The following TSPAN11 variants were observed in gnomAD, a reference collection of about 807,000 sequenced individuals.
The protein encoded by TSPAN11 is tetraspanin 11, also known as tetraspanin-11.
A neutral mutation model predicts 32.9 loss-of-function variants in TSPAN11; 29 were observed. The observed-to-expected ratio is 0.88, with a 90% CI of 0.66 to 1.20. The LOEUF (loss-of-function observed/expected upper bound fraction) is 1.20, where lower values mean the gene tolerates loss of function less well. TSPAN11 is among the 50% of genes most tolerant of loss of function. The probability of loss-of-function intolerance (pLI) is 0.00; values close to 1 mark genes in which losing one functional copy is unlikely to be tolerated. For missense variants in TSPAN11, 283 were observed against 329.1 expected (o/e 0.86, Z 1.08); for synonymous variants, 140 against 141.3 (o/e 0.99, Z 0.07).
At chr12:30,980,505 G>A (rs1362232787) in intron 5 of TSPAN11, among the ~76,000 whole-genome samples, 1 of 152,072 alleles carries the variant, frequency 6.6e-6, no homozygotes, top group Non-Finnish European at 1.5e-5. Flanking sequence ...ATTCAAGGCA[G>A]TGCCACCTGC....
the TSPAN11 span, among the ~76,000 whole-genome samples, chr12:31,011,768 G>A: frequency 9.6e-3 from 1,458 of 152,302 alleles, 27 homozygotes; most frequent in African/African-American, 0.033. Flanking sequence ...AGCTTACAAA[G>A]GCCACAAACC....
At chr12:30,929,840 T>C (rs185806864) in intron 1 of TSPAN11, among the ~76,000 whole-genome samples, 270 of 152,332 alleles carry the variant, frequency 1.8e-3, no homozygotes, top group Non-Finnish European at 2.4e-3. Flanking sequence ...TGCTGCCTTT[T>C]CCTAGAAATA....
the TSPAN11 span, among the ~76,000 whole-genome samples, chr12:31,002,642 G>A: frequency 9.9e-5 from 15 of 152,114 alleles, no homozygotes; most frequent in African/African-American, 2.7e-4. This position sits in a 1 kb window ranked among gnomAD's most constrained non-coding sequence, Gnocchi z 4.8. Context: ...GAGGGTCTGC[G>A]GGACAAAGAA....
downstream of TSPAN11, among the ~76,000 whole-genome samples, chr12:30,998,611 A>G (rs1939447451): frequency 6.6e-6 from 1 of 152,212 alleles, no homozygotes; most frequent in Admixed American, 6.5e-5. Flanking sequence ...GGGCCTTTGC[A>G]TCAGGCCAGA....
chr12:30,944,003 C>T (rs1056265851), intron 1 of TSPAN11, among the ~76,000 whole-genome samples: 4 of 152,056 alleles, frequency 2.6e-5, no homozygotes, highest in Non-Finnish European at 4.4e-5. Flanking sequence ...TCTTGTTGGC[C>T]AAGAACTCAG....
chr12:30,944,274 A>G (rs1565790093), intron 1 of TSPAN11, among the ~76,000 whole-genome samples: 1 of 152,168 alleles, frequency 6.6e-6, no homozygotes, highest in Non-Finnish European at 1.5e-5. Context: ...AGTATTTTTC[A>G]GGAATACAAT....
downstream of TSPAN11, among the ~76,000 whole-genome samples, chr12:30,998,211 G>A (rs574579528): frequency 2.0e-5 from 3 of 152,314 alleles, no homozygotes; most frequent in Non-Finnish European, 2.9e-5. Context: ...TACAACTGCT[G>A]CCTACACAGC....
the TSPAN11 span, among the ~76,000 whole-genome samples, chr12:31,010,691 G>A: frequency 3.0e-4 from 46 of 152,294 alleles, no homozygotes; most frequent in Middle Eastern, 3.4e-3. Context: ...AGCTACATGA[G>A]AGGCTGAGGT....
chr12:30,938,450 G>C (rs1285271634), intron 1 of TSPAN11, among the ~76,000 whole-genome samples: 3 of 152,226 alleles, frequency 2.0e-5, no homozygotes, highest in Non-Finnish European at 4.4e-5. Flanking sequence ...CCCAGGCTGG[G>C]CAGGGAAGGA....
downstream of TSPAN11, among the ~76,000 whole-genome samples, chr12:31,000,396 A>G (rs1450918672): frequency 2.6e-5 from 4 of 152,054 alleles, no homozygotes; most frequent in Admixed American, 6.5e-5. Context: ...CCTGATTTTA[A>G]TTTTTTAGGG....
intron 2 of TSPAN11, among the ~76,000 whole-genome samples, chr12:30,959,736 C>T (rs1223735760): frequency 6.7e-6 from 1 of 148,496 alleles, no homozygotes; most frequent in Non-Finnish European, 1.5e-5. Context: ...GCCGAGATCA[C>T]GCCACTGTGC....
At chr12:31,008,393 T>C in the TSPAN11 span, among the ~76,000 whole-genome samples, 1 of 152,248 alleles carries the variant, frequency 6.6e-6, no homozygotes, top group Non-Finnish European at 1.5e-5. Flanking sequence ...CCCTCTTCCC[T>C]GTCCTTCCTC....
At chr12:30,991,418 T>C (rs997806115) in intron 7 of TSPAN11, among the ~76,000 whole-genome samples, 5 of 152,112 alleles carry the variant, frequency 3.3e-5, no homozygotes, top group African/African-American at 1.2e-4. Flanking sequence ...TTCAGACAGC[T>C]CTGATGAGGG....
At chr12:30,951,113 G>T (rs1261339846) in intron 1 of TSPAN11, among the ~76,000 whole-genome samples, 2 of 152,158 alleles carry the variant, frequency 1.3e-5, no homozygotes, top group African/African-American at 2.4e-5. Flanking sequence ...TAACGAATTT[G>T]ATCTAACTGA....
chr12:30,984,961 G>T (rs1939172150), intron 7 of TSPAN11, among the ~76,000 whole-genome samples: 1 of 152,178 alleles, frequency 6.6e-6, no homozygotes, highest in South Asian at 2.1e-4. Flanking sequence ...TTGGTTCTTT[G>T]CTTTCCCGAA....
chr12:30,929,493 C>T lies in TSPAN11; in HGVS notation c.-12+2697C>T, dbSNP rs567114956. 2.5e-4 allele frequency among the ~76,000 whole-genome samples: 38 copies of T among 152,256 alleles called. 1 individual carries two copies. Among genetic ancestry groups the T allele is most frequent in the African/African-American group, 8.2e-4 (34 of 41,548 alleles). On this transcript the variant is annotated intron_variant, in intron 1 of 7. Transcript: ENST00000546076. ...ATCTATATCTGAGACAGGCACCAGACGGAGGACACGAAACATCTGCAAGGT... is the reference window on the plus strand; with the variant it reads ...ATCTATATCTGAGACAGGCACCAGATGGAGGACACGAAACATCTGCAAGGT...
chr12:31,005,406 G>GAA, the TSPAN11 span, among the ~76,000 whole-genome samples: 1 of 152,240 alleles, frequency 6.6e-6, no homozygotes, highest in South Asian at 2.1e-4. Context: ...TCCACAGGCG[G>GAA]AAGCACTGTG....
chr12:30,983,216 T>C, intron 7 of TSPAN11, 66 bp downstream of exon 7: 1 of 1,481,652 alleles, frequency 6.7e-7, no homozygotes, highest in South Asian at 1.3e-5. Flanking sequence ...TTGACACAGG[T>C]CTTCAGTAAC....
chr12:30,987,647 TG>T (rs1357768202), intron 7 of TSPAN11, among the ~76,000 whole-genome samples: 1 of 151,590 alleles, frequency 6.6e-6, no homozygotes, highest in Non-Finnish European at 1.5e-5. Flanking sequence ...CGCAGCAAAA[TG>T]AAACAAAATG....
Sources: allele counts gnomAD v4.1 joint callset (sites outside exome capture counted in the v4.1 genomes callset), GRCh38; gene constraint gnomAD v4.1.1; non-coding constraint Gnocchi (gnomAD v3.1); transcripts MANE v1.5; gene names NCBI Gene and HGNC (gene_info 2026-07-23, HGNC 2026-07-21).